Variants in ERI1 observed in about 807,000 individuals in gnomAD.
ERI1 encodes the protein exoribonuclease 1, also known as 3'-5' exoribonuclease 1.
Under a neutral mutation model 39.7 loss-of-function variants are expected in ERI1, and 39 were observed. That is an observed-to-expected ratio of 0.98 (90% CI 0.76 to 1.28). The LOEUF (loss-of-function observed/expected upper bound fraction) is 1.28. Ranked by LOEUF, ERI1 falls within the 50% of genes most tolerant of loss-of-function variation. The probability of loss-of-function intolerance (pLI) is 0.00; values close to 1 mark genes in which losing one functional copy is unlikely to be tolerated. For missense variants in ERI1, 581 were observed against 416.9 expected (o/e 1.39, Z -3.43); for synonymous variants, 204 against 149.6 (o/e 1.36, Z -2.65).
At position 9,003,013 on chromosome 8, in the gene ERI1, G is replaced by A; in HGVS notation, c.-51G>A. 2 of 1,135,490 alleles carry A rather than the reference G, an allele frequency of 1.8e-6. No individual in the cohort carries two copies. Among genetic ancestry groups the A allele is most frequent in the Non-Finnish European group, 2.3e-6 (2 of 888,498 alleles). 70.3% of individuals were successfully genotyped at this position (1,135,490 alleles called of 1,614,324 possible). Reference sequence around the variant, plus strand: ...GAGGCTTTCGGGCTCTGCAGAGTGAGAGTTAGCAAGTGTCCGGCTCCAGCA... The same window carrying A: ...GAGGCTTTCGGGCTCTGCAGAGTGAAAGTTAGCAAGTGTCCGGCTCCAGCA... On this transcript the variant is annotated 5_prime_UTR_variant, in exon 1 of 7. Coordinates refer to ENST00000250263, the MANE Select transcript of ERI1 (RefSeq NM_153332.4).
chr8:9,067,333 C>G (rs1585278696), intron 3 of ERI1, among the ~76,000 whole-genome samples: 1 of 150,368 alleles, frequency 6.7e-6, no homozygotes, highest in South Asian at 2.1e-4. Context: ...GCTCTATGCA[C>G]TTGTTTATTA....
intron 5 of ERI1, 107 bp from the exon 6 acceptor site, chr8:9,020,243 T>G (rs1817735011): frequency 1.9e-6 from 1 of 530,930 alleles, no homozygotes; most frequent in Non-Finnish European, 3.2e-6. Context: ...GATGTTACAT[T>G]TGAATATGAG....
At chr8:9,093,619 G>A (rs1426073296) in intron 3 of ERI1, among the ~76,000 whole-genome samples, 2 of 152,094 alleles carry the variant, frequency 1.3e-5, no homozygotes, top group Non-Finnish European at 1.5e-5. Context: ...CCAGGCTGGC[G>A]TGCAGTGGTG....
chr8:9,050,382 C>T (rs1188829154), intron 3 of ERI1, among the ~76,000 whole-genome samples: 5 of 151,988 alleles, frequency 3.3e-5, no homozygotes, highest in African/African-American at 1.2e-4. Flanking sequence ...TGGCACATGC[C>T]TGTAATTCCA....
At chr8:9,099,007 G>A (rs909760676) in intron 3 of ERI1, among the ~76,000 whole-genome samples, 1 of 151,950 alleles carries the variant, frequency 6.6e-6, no homozygotes, top group Non-Finnish European at 1.5e-5. Context: ...GCTAATTTTT[G>A]TATTTTTAGT....
intron 6 of ERI1, among the ~76,000 whole-genome samples, chr8:9,024,209 A>G (rs780318254): frequency 6.6e-6 from 1 of 152,218 alleles, no homozygotes; most frequent in Non-Finnish European, 1.5e-5. Context: ...CTGTGAAATA[A>G]TTCGCTTAGG....
intron 3 of ERI1, among the ~76,000 whole-genome samples, chr8:9,050,142 A>G (rs1798309825): frequency 6.7e-6 from 1 of 149,446 alleles, no homozygotes; most frequent in South Asian, 2.1e-4. Context: ...AAAGCACTTT[A>G]CAGAGTGCCT....
At chr8:9,088,285 A>G (rs1450109777) in intron 3 of ERI1, among the ~76,000 whole-genome samples, 1 of 152,046 alleles carries the variant, frequency 6.6e-6, no homozygotes, top group Non-Finnish European at 1.5e-5. Flanking sequence ...AAAAAAAATT[A>G]AAGTGTTTTC....
At chr8:9,077,969 T>C (rs1359077053) in intron 3 of ERI1, among the ~76,000 whole-genome samples, 2 of 152,318 alleles carry the variant, frequency 1.3e-5, no homozygotes, top group East Asian at 1.9e-4. Flanking sequence ...TTGGTGACAC[T>C]GATCCAGCCT....
At chr8:9,091,780 G>A (rs1175418583) in intron 3 of ERI1, among the ~76,000 whole-genome samples, 1 of 152,140 alleles carries the variant, frequency 6.6e-6, no homozygotes, top group Non-Finnish European at 1.5e-5. Context: ...AATGTGAAAT[G>A]TACATTTGGG....
chr8:9,092,664 G>A (rs1321341470), intron 3 of ERI1, among the ~76,000 whole-genome samples: 2 of 152,238 alleles, frequency 1.3e-5, no homozygotes, highest in African/African-American at 2.4e-5. Context: ...CCAGGGCTGT[G>A]AGCAGTGGTT....
At chr8:9,034,192 G>A (rs1309181218), downstream of ERI1, among the ~76,000 whole-genome samples, 1 of 152,212 alleles carries the variant, frequency 6.6e-6, no homozygotes, top group African/African-American at 2.4e-5. Context: ...GCGGATGCCC[G>A]AGGCTTTAAA....
intron 3 of ERI1, 45 bp from the exon 4 acceptor site, chr8:9,016,277 C>G (rs773164114): frequency 2.4e-6 from 3 of 1,274,438 alleles, no homozygotes; most frequent in East Asian, 2.4e-5. Flanking sequence ...TATCGTGTAT[C>G]TTAACTCATA....
chr8:9,005,887 C>G (rs565671225), intron 1 of ERI1, among the ~76,000 whole-genome samples: 4 of 152,176 alleles, frequency 2.6e-5, no homozygotes, highest in African/African-American at 9.7e-5. Context: ...GTAAAAGCTT[C>G]TCTTATTTGA....
rs756724611 is a variant in ERI1 at position 9,003,051 on chromosome 8, C to A, written c.-13C>A. The stretch of plus-strand genomic sequence containing the variant: ...TCCGGCTCCAGCAACTCTCCTCTGG[C>A]GTGACAGCCGGCATGGAGGATCCAC... On this transcript the variant is annotated 5_prime_UTR_variant, in exon 1 of 7. Transcript: ENST00000250263. 6.3e-5 allele frequency: 78 copies of A among 1,242,866 alleles called. No homozygotes were observed. The highest frequency in any genetic ancestry group is 7.7e-5 in the Non-Finnish European group (76 of 984,426). The allele number at this position is 1,242,866 out of a possible 1,614,324, so 77.0% of individuals were successfully genotyped here.
chr8:9,037,314 G>C (rs1449593430), downstream of ERI1, among the ~76,000 whole-genome samples: 4 of 152,130 alleles, frequency 2.6e-5, no homozygotes, highest in Non-Finnish European at 4.4e-5. Context: ...TCTGTCCCCA[G>C]GAAGTTAGCC....
rs1238873700 is a variant in ERI1, at chr8:9,033,297, A to T, written c.*3263A>T. The T allele has an allele frequency of 6.6e-6, 1 of 152,236 alleles. No individual in the cohort carries two copies. The highest frequency in any genetic ancestry group is 1.5e-5 in the Non-Finnish European group (1 of 68,044). The allele number at this position is 152,236 out of a possible 1,614,324, so 9.4% of individuals were successfully genotyped here. On this transcript the variant is annotated 3_prime_UTR_variant, in exon 7 of 7. Coordinates refer to ENST00000250263, the MANE Select transcript of ERI1 (RefSeq NM_153332.4). ...AAATAATATTTTGTATAATACGAAA[A>T]TTACGAAATTTTAGTTTCTCTAAAT...
intron 3 of ERI1, among the ~76,000 whole-genome samples, chr8:9,079,991 C>CAA (rs35227058): frequency 8.7e-6 from 1 of 114,820 alleles, no homozygotes; most frequent in Non-Finnish European, 1.8e-5. Context: ...TTTTTAAAGA[C>CAA]AAAAAAAAAA....
chr8:9,086,622 A>G (rs1207769497), intron 3 of ERI1, among the ~76,000 whole-genome samples: 1 of 152,180 alleles, frequency 6.6e-6, no homozygotes, highest in Non-Finnish European at 1.5e-5. Flanking sequence ...GTAACAAAAT[A>G]AGTAAGGATG....
Sources: allele counts gnomAD v4.1 joint callset (sites outside exome capture counted in the v4.1 genomes callset), GRCh38; gene constraint gnomAD v4.1.1; transcripts MANE v1.5; gene names NCBI Gene and HGNC (gene_info 2026-07-23, HGNC 2026-07-21).